Variants in CSMD2 observed in about 807,000 individuals in gnomAD.
CSMD2 encodes the protein CUB and Sushi multiple domains 2, also known as CUB and sushi domain-containing protein 2.
A neutral mutation model predicts 398.5 loss-of-function variants in CSMD2; 130 were observed. That is an observed-to-expected ratio of 0.33 (90% CI 0.28 to 0.38). The LOEUF is 0.38. Among genes scored for constraint, CSMD2 ranks in the 10% least tolerant of loss-of-function variants. The probability of loss-of-function intolerance (pLI) is 1.00; values close to 1 mark genes in which losing one functional copy is unlikely to be tolerated. For missense variants in CSMD2, 3,829 were observed against 4,764.9 expected (o/e 0.80, Z 5.78); for synonymous variants, 1,828 against 1,908.5 (o/e 0.96, Z 1.10).
chr1:33,551,190 G>C (rs1191245228), intron 55 of CSMD2, among the ~76,000 whole-genome samples: 2 of 152,216 alleles, frequency 1.3e-5, no homozygotes, highest in Non-Finnish European at 2.9e-5. Flanking sequence ...TGCTGTGTTT[G>C]AGAGACAGCA....
intron 6 of CSMD2, among the ~76,000 whole-genome samples, chr1:33,844,102 C>T (rs761304529): frequency 3.3e-5 from 5 of 152,238 alleles, no homozygotes; most frequent in African/African-American, 1.2e-4. Flanking sequence ...CGCTGGACCC[C>T]TGACTGAAAT....
chr1:33,844,741 G>A (rs956060973), intron 6 of CSMD2, among the ~76,000 whole-genome samples: 1 of 152,112 alleles, frequency 6.6e-6, no homozygotes, highest in Non-Finnish European at 1.5e-5. Context: ...TCTCCTTCAC[G>A]CAGTTGCTGT....
chr1:34,048,550 GC>G (rs1229583926), intron 2 of CSMD2, among the ~76,000 whole-genome samples: 1 of 152,212 alleles, frequency 6.6e-6, no homozygotes, highest in Non-Finnish European at 1.5e-5. Context: ...AGCAGGTGGA[GC>G]CTCTGAGAAT....
intron 1 of CSMD2, among the ~76,000 whole-genome samples, chr1:34,092,449 G>C (rs76014593): frequency 3.3e-5 from 5 of 152,174 alleles, no homozygotes; most frequent in African/African-American, 1.2e-4. Context: ...AGCTCCCAGC[G>C]TGAGCGAGGC....
chr1:34,137,186 C>G (rs950215041), intron 1 of CSMD2, among the ~76,000 whole-genome samples: 1 of 152,124 alleles, frequency 6.6e-6, no homozygotes, highest in South Asian at 2.1e-4. Context: ...ATCCATCCGT[C>G]CACCCATCCA....
chr1:33,981,886 C>T (rs1646182257), intron 3 of CSMD2, among the ~76,000 whole-genome samples: 2 of 152,106 alleles, frequency 1.3e-5, no homozygotes, highest in South Asian at 4.1e-4. Context: ...GGAAGGGGTC[C>T]CCTGTGCAGA....
chr1:33,632,461 C>T (rs1642520324), intron 32 of CSMD2, among the ~76,000 whole-genome samples: 1 of 151,988 alleles, frequency 6.6e-6, no homozygotes, highest in Admixed American at 6.6e-5. Context: ...CACAAATTCA[C>T]AATAAATTCA....
intron 19 of CSMD2, among the ~76,000 whole-genome samples, chr1:33,718,993 T>A (rs1646265855): frequency 6.6e-6 from 1 of 152,160 alleles, no homozygotes; most frequent in Non-Finnish European, 1.5e-5. Flanking sequence ...CCAGGCCTTG[T>A]GCTAAGCACT....
At chr1:33,746,084 C>T (rs1283131861) in intron 13 of CSMD2, among the ~76,000 whole-genome samples, 1 of 152,068 alleles carries the variant, frequency 6.6e-6, no homozygotes, top group Admixed American at 6.5e-5. Flanking sequence ...ATAACACTTC[C>T]CCCTGGGCCT....
chr1:33,838,334 A>T (rs146426656), intron 6 of CSMD2, among the ~76,000 whole-genome samples: 1 of 152,324 alleles, frequency 6.6e-6, no homozygotes, highest in East Asian at 1.9e-4. Flanking sequence ...CTTTTTTGCT[A>T]GAGTTTTCTT....
Position 33,533,898 on chromosome 1 carries a change from T to C in CSMD2, c.9889A>G (p.Thr3297Ala). Residue 3297 changes from threonine (T) to alanine (A), a missense_variant, in exon 63 of 71, where the codon ACA (threonine) becomes GCA (alanine). Physicochemically the swap from Thr to Ala is moderately conservative, Grantham distance 58. Coordinates refer to ENST00000373381, the MANE Select transcript of CSMD2 (RefSeq NM_001281956.2). The surrounding 1 kb of genome is among the most constrained non-coding windows in gnomAD (Gnocchi z 4.2). ...CCTTTTTGACAACGGAAGAGGACTG[T>C]GCTTCCAACCTGCGGCAAGATACAA... ...NNSQGYQVGS[T>A]VLFRCQKGYL... The C allele has an allele frequency of 6.2e-7, 1 of 1,611,612 alleles. No individual in the cohort carries two copies. Among genetic ancestry groups the C allele is most frequent in the Non-Finnish European group, 8.5e-7 (1 of 1,177,690 alleles).
intron 1 of CSMD2, among the ~76,000 whole-genome samples, chr1:34,114,541 A>AT (rs201565221): frequency 3.9e-5 from 6 of 151,952 alleles, no homozygotes; most frequent in South Asian, 2.1e-4. Flanking sequence ...TCTAAAAACA[A>AT]TTTTTTTTAA....
rs78812286 is a variant in CSMD2, at chr1:33,866,989, C to G, written c.921-19993G>C. Among the ~76,000 whole-genome samples, 417 of 152,280 alleles carry G rather than the reference C, an allele frequency of 2.7e-3. 7 individuals are homozygous for G. In the East Asian group the frequency reaches 0.033, roughly 12 times the overall value. On this transcript the variant is annotated intron_variant, in intron 5 of 70. Coordinates refer to ENST00000373381, the MANE Select transcript of CSMD2 (RefSeq NM_001281956.2). ...GCGGATATACTCTAGGGTGGCTGTT[C>G]CATAATCCTTTCCTCCTTTCTTGGT...
Position 33,759,251 on chromosome 1 carries a change from C to A in CSMD2, c.1846+13318G>T, listed in dbSNP as rs750869160. Among the ~76,000 whole-genome samples the A allele has an allele frequency of 4.7e-5, 7 of 149,804 alleles. No homozygotes were observed. The East Asian group carries it at 1.4e-3, about 29-fold the overall frequency. ...GTAGGCAAGAGTTTTGATGGAAGAG[C>A]GGCATGGGATGAGGGGGAGAGAGGT... On this transcript the variant is annotated intron_variant, in intron 13 of 70. Transcript: ENST00000373381.
intron 1 of CSMD2, among the ~76,000 whole-genome samples, chr1:34,143,563 CT>C (rs1428763178): frequency 6.6e-6 from 1 of 152,160 alleles, no homozygotes; most frequent in Non-Finnish European, 1.5e-5. Flanking sequence ...AGACTGAAAG[CT>C]TAGGGGGATG....
chr1:33,673,295 C>A (rs565214369), intron 25 of CSMD2, among the ~76,000 whole-genome samples: 6 of 152,144 alleles, frequency 3.9e-5, no homozygotes, highest in African/African-American at 1.4e-4. Context: ...AACCACGGCA[C>A]GAGAACTACG....
At position 33,633,397 on chromosome 1, in the gene CSMD2, C is replaced by G. The variant is rs1157789822; in HGVS notation, c.5200+25G>C. On this transcript the variant is annotated intron_variant, in intron 32 of 70. Transcript: ENST00000373381. The surrounding 1 kb of genome is among the most constrained non-coding windows in gnomAD (Gnocchi z 5.0). ...GTGATGCCCCCGGCCCACAACCATC[C>G]CCACACTGGCCGAGCCCCGGATACC... 1 of 1,516,784 alleles carries G rather than the reference C, an allele frequency of 6.6e-7. No homozygotes were observed. The highest frequency in any genetic ancestry group is 1.2e-5 in the South Asian group (1 of 83,300). 94.0% of individuals were successfully genotyped at this position (1,516,784 alleles called of 1,614,324 possible). A position where few individuals can be genotyped will look rare whatever the true frequency, so the allele number is the denominator to read the frequency against.
At chr1:34,161,418 G>C (rs776707604) in intron 1 of CSMD2, among the ~76,000 whole-genome samples, 2 of 152,144 alleles carry the variant, frequency 1.3e-5, no homozygotes, top group East Asian at 3.9e-4. Flanking sequence ...TGGTGAAAAG[G>C]AATGGGAAAA....
chr1:33,962,156 C>T (rs563501879), intron 3 of CSMD2, among the ~76,000 whole-genome samples: 1 of 152,250 alleles, frequency 6.6e-6, no homozygotes, highest in East Asian at 1.9e-4. Flanking sequence ...GCCCAGGACT[C>T]GTACTGCAGG....
Sources: allele counts gnomAD v4.1 joint callset (sites outside exome capture counted in the v4.1 genomes callset), GRCh38; gene constraint gnomAD v4.1.1; non-coding constraint Gnocchi (gnomAD v3.1); transcripts MANE v1.5; gene names NCBI Gene and HGNC (gene_info 2026-07-23, HGNC 2026-07-21).